The following ADGRB3 variants were observed in gnomAD, a reference collection of about 807,000 sequenced individuals.
The protein encoded by ADGRB3 is adhesion G protein-coupled receptor B3, also known as brain-specific angiogenesis inhibitor 3.
Under a neutral mutation model 193.4 loss-of-function variants are expected in ADGRB3, and 37 were observed. The observed-to-expected ratio is 0.19, with a 90% CI of 0.15 to 0.25. The LOEUF (loss-of-function observed/expected upper bound fraction) is 0.25, where lower values mean the gene tolerates loss of function less well. ADGRB3 is among the 10% of genes least tolerant of loss of function. The pLI, the probability that ADGRB3 is intolerant of heterozygous loss-of-function variation, is 1.00. For missense variants in ADGRB3, 1,637 were observed against 1,852.9 expected (o/e 0.88, Z 2.14); for synonymous variants, 690 against 644.2 (o/e 1.07, Z -1.08).
intron 3 of ADGRB3, among the ~76,000 whole-genome samples, chr6:68,710,740 A>G (rs1457237467): frequency 1.3e-5 from 2 of 152,008 alleles, no homozygotes; most frequent in Non-Finnish European, 2.9e-5. Context: ...TCCAACCCTG[A>G]TTTCAGAGCC....
chr6:68,811,512 AGGCTGGAGTGCGGTGGGATGATCTC>A lies in ADGRB3; in HGVS notation c.758-119042_758-119018del, dbSNP rs549719205. On this transcript the variant is annotated intron_variant, in intron 3 of 31. Transcript: ENST00000370598. ...GAGACAGAGTCTCACTCTGCTGCCC[AGGCTGGAGTGCGGTGGGATGATCTC>A]GGCTCATTGCAGCCTCTGCCTCCCA... Among the ~76,000 whole-genome samples the A allele has an allele frequency of 4.4e-4, 67 of 152,276 alleles. No homozygotes were observed. In the East Asian group the frequency reaches 0.01, roughly 23 times the overall value.
At chr6:69,008,723 T>C (rs1355914830) in intron 11 of ADGRB3, among the ~76,000 whole-genome samples, 2 of 152,112 alleles carry the variant, frequency 1.3e-5, no homozygotes, top group Admixed American at 6.6e-5. Context: ...TGCTTGTTGC[T>C]GCATGTGAGT....
chr6:68,856,672 A>C (rs1180556334), intron 3 of ADGRB3, among the ~76,000 whole-genome samples: 1 of 151,810 alleles, frequency 6.6e-6, no homozygotes, highest in Non-Finnish European at 1.5e-5. Flanking sequence ...TTAAAAGGGA[A>C]ACAGCGTATT....
chr6:68,945,217 G>A (rs1217408245), intron 6 of ADGRB3, among the ~76,000 whole-genome samples: 3 of 151,864 alleles, frequency 2.0e-5, no homozygotes, highest in Non-Finnish European at 2.9e-5. Flanking sequence ...AAAGATGAAG[G>A]CAAATAATTA....
chr6:69,358,266 G>C (rs1421122611), intron 28 of ADGRB3, among the ~76,000 whole-genome samples: 1 of 151,850 alleles, frequency 6.6e-6, no homozygotes, highest in African/African-American at 2.4e-5. Flanking sequence ...CCAGGCCTTT[G>C]GGGTCTGAAA....
At chr6:68,799,022 G>T (rs1377400945) in intron 3 of ADGRB3, among the ~76,000 whole-genome samples, 2 of 152,120 alleles carry the variant, frequency 1.3e-5, no homozygotes, top group Admixed American at 6.6e-5. Flanking sequence ...ACAGTGAAAG[G>T]TTTAAAGGAG....
intron 13 of ADGRB3, among the ~76,000 whole-genome samples, chr6:69,029,119 C>T (rs1228746731): frequency 6.6e-6 from 1 of 152,114 alleles, no homozygotes; most frequent in East Asian, 1.9e-4. Flanking sequence ...ACATTCTAAC[C>T]TACTTCTGTT....
chr6:69,262,445 CAT>C (rs914959364), intron 20 of ADGRB3, among the ~76,000 whole-genome samples: 14 of 151,916 alleles, frequency 9.2e-5, no homozygotes, highest in African/African-American at 3.4e-4. Flanking sequence ...TCCTTACTAA[CAT>C]AAATGCTTTT....
chr6:69,084,780 C>T (rs1772498571), intron 17 of ADGRB3, among the ~76,000 whole-genome samples: 1 of 151,968 alleles, frequency 6.6e-6, no homozygotes, highest in African/African-American at 2.4e-5. Flanking sequence ...CTGAAAACAT[C>T]AAAATGGGCA....
chr6:69,202,426 C>T (rs1765444768), intron 17 of ADGRB3, among the ~76,000 whole-genome samples: 1 of 152,042 alleles, frequency 6.6e-6, no homozygotes, highest in Admixed American at 6.6e-5. Flanking sequence ...ATAAATTCTA[C>T]ATTCCAATCT....
intron 24 of ADGRB3, among the ~76,000 whole-genome samples, chr6:69,335,889 T>C (rs1768835045): frequency 6.6e-6 from 1 of 152,108 alleles, no homozygotes; most frequent in African/African-American, 2.4e-5. Flanking sequence ...CCCTTTCTTC[T>C]TTTTTATAAT....
At chr6:69,017,844 G>A (rs1159288907) in intron 12 of ADGRB3, among the ~76,000 whole-genome samples, 7 of 151,828 alleles carry the variant, frequency 4.6e-5, no homozygotes, top group Non-Finnish European at 1.0e-4. Context: ...TAAAGCACAT[G>A]CACTAGGGCT....
intron 3 of ADGRB3, among the ~76,000 whole-genome samples, chr6:68,916,353 T>C (rs1192502795): frequency 6.6e-6 from 1 of 152,184 alleles, no homozygotes; most frequent in Non-Finnish European, 1.5e-5. Context: ...GTTAATATTA[T>C]GAGATTGTTC....
intron 3 of ADGRB3, among the ~76,000 whole-genome samples, chr6:68,694,605 A>G (rs1765127186): frequency 6.6e-6 from 1 of 151,576 alleles, no homozygotes; most frequent in Non-Finnish European, 1.5e-5. Flanking sequence ...CCTATTGTTT[A>G]CCTCAGAGGC....
intron 28 of ADGRB3, among the ~76,000 whole-genome samples, chr6:69,359,189 G>A (rs550136917): frequency 2.0e-5 from 3 of 151,246 alleles, no homozygotes; most frequent in African/African-American, 4.8e-5. Flanking sequence ...ACAATTAAGG[G>A]TTAAAAGTGT....
chr6:69,193,305 G>T (rs1765232440), intron 17 of ADGRB3, among the ~76,000 whole-genome samples: 1 of 152,084 alleles, frequency 6.6e-6, no homozygotes. Context: ...TGGCTAGATG[G>T]CAGGTACTTG....
At position 68,773,347 on chromosome 6, in the gene ADGRB3, T is replaced by C. The variant is rs2127357551; in HGVS notation, c.757+133915T>C. On this transcript the variant is annotated intron_variant, in intron 3 of 31. Coordinates refer to ENST00000370598, the MANE Select transcript of ADGRB3 (RefSeq NM_001704.3). The stretch of plus-strand genomic sequence containing the variant: ...ATTCTTTCTTCTACCCTGTACTATG[T>C]GCGCAAAATTTATACAGTCCTAAAG... 1.3e-5 allele frequency among the ~76,000 whole-genome samples: 2 copies of C among 152,210 alleles called. 1 individual carries two copies. The highest frequency in any genetic ancestry group is 4.1e-4 in the South Asian group (2 of 4,824).
chr6:69,060,917 T>C (rs760291864), intron 15 of ADGRB3, among the ~76,000 whole-genome samples: 10 of 152,084 alleles, frequency 6.6e-5, no homozygotes, highest in Non-Finnish European at 1.0e-4. Context: ...CTCTCAACTT[T>C]GTCAATTTCT....
At chr6:68,756,496 T>C (rs970229919) in intron 3 of ADGRB3, among the ~76,000 whole-genome samples, 1 of 152,144 alleles carries the variant, frequency 6.6e-6, no homozygotes, top group African/African-American at 2.4e-5. Flanking sequence ...TAGTATGAAA[T>C]AGAAGCATGG....
Sources: gnomAD v4.1 joint callset for allele counts (sites outside exome capture counted in the v4.1 genomes callset) on GRCh38, gnomAD v4.1.1 for gene constraint, MANE v1.5 for transcripts, NCBI Gene and HGNC (gene_info 2026-07-23, HGNC 2026-07-21) for gene names.